The following MGAT4C variants were observed in gnomAD, a reference collection of about 807,000 sequenced individuals.
MGAT4C encodes the protein alpha-1,3-mannosyl-glycoprotein 4-beta-N-acetylglucosaminyltransferase C.
In MGAT4C, 19 loss-of-function variants were observed where a neutral mutation model predicts 40.1. The ratio of observed to expected loss-of-function variants is 0.47; its 90% confidence interval spans 0.33 to 0.70. The LOEUF (loss-of-function observed/expected upper bound fraction) is 0.70. Among genes scored for constraint, MGAT4C ranks in the 30% least tolerant of loss-of-function variants. The pLI is 0.02. For missense variants in MGAT4C, 491 were observed against 563.2 expected, an observed-to-expected ratio of 0.87 and a Z score of 1.30; for synonymous variants, 181 against 187.1, an observed-to-expected ratio of 0.97 and a Z score of 0.27.
At chr12:86,602,994 C>T (rs1961841641) in intron 2 of MGAT4C, among the ~76,000 whole-genome samples, 2 of 151,032 alleles carry the variant, frequency 1.3e-5, no homozygotes, top group East Asian at 1.9e-4. Flanking sequence ...TATTACGCTA[C>T]GTGAAAGAAG....
chr12:86,285,790 C>T (rs1192587090), intron 4 of MGAT4C, among the ~76,000 whole-genome samples: 1 of 151,868 alleles, frequency 6.6e-6, no homozygotes, highest in African/African-American at 2.4e-5. Context: ...AAAGATCTAA[C>T]AGAGGATTTA....
chr12:86,557,690 G>A (rs1345887051), intron 2 of MGAT4C, among the ~76,000 whole-genome samples: 4 of 152,122 alleles, frequency 2.6e-5, no homozygotes, highest in Non-Finnish European at 4.4e-5. Context: ...CCAAAACACT[G>A]TAGTAAACAA....
At chr12:86,257,687 G>A (rs1182088175), upstream of MGAT4C, among the ~76,000 whole-genome samples, 2 of 152,234 alleles carry the variant, frequency 1.3e-5, no homozygotes, top group African/African-American at 4.8e-5. Flanking sequence ...AGTTCAAAAA[G>A]TTGATAATAT....
chr12:86,075,782 G>A (rs146005376), intron 1 of MGAT4C, among the ~76,000 whole-genome samples: 26 of 152,328 alleles, frequency 1.7e-4, no homozygotes, highest in African/African-American at 6.3e-4. Flanking sequence ...CAAGCTCTGT[G>A]TTGCCCCCTT....
At chr12:86,334,569 A>G (rs945939752) in intron 3 of MGAT4C, among the ~76,000 whole-genome samples, 5 of 152,180 alleles carry the variant, frequency 3.3e-5, no homozygotes, top group African/African-American at 9.6e-5. Context: ...AAGAAATAAA[A>G]GCAAAATGTT....
chr12:86,242,820 A>G (rs1437941730), intron 1 of MGAT4C, among the ~76,000 whole-genome samples: 1 of 152,062 alleles, frequency 6.6e-6, no homozygotes, highest in Admixed American at 6.6e-5. Context: ...CACATACAAC[A>G]CACACCTCCC....
chr12:86,275,506 T>C (rs922950542), intron 4 of MGAT4C, among the ~76,000 whole-genome samples: 5 of 152,298 alleles, frequency 3.3e-5, no homozygotes, highest in Admixed American at 2.0e-4. Context: ...AACCTGGGAA[T>C]ATGTTACCTT....
intron 2 of MGAT4C, among the ~76,000 whole-genome samples, chr12:86,507,033 A>C (rs1390687216): frequency 5.3e-5 from 8 of 152,168 alleles, no homozygotes; most frequent in Non-Finnish European, 1.5e-5. Flanking sequence ...AAGAAAAATG[A>C]GGCTATCTTG....
intron 2 of MGAT4C, among the ~76,000 whole-genome samples, chr12:85,990,695 T>C (rs901929810): frequency 7.2e-5 from 11 of 152,194 alleles, no homozygotes; most frequent in African/African-American, 2.7e-4. Context: ...TTAATAATTA[T>C]AAGTCTAAAA....
chr12:86,154,687 A>G (rs985699867), intron 1 of MGAT4C, among the ~76,000 whole-genome samples: 2 of 152,240 alleles, frequency 1.3e-5, no homozygotes, highest in Non-Finnish European at 2.9e-5. Flanking sequence ...TAGATCAAAA[A>G]AAAGATAAAT....
At chr12:86,032,283 G>A (rs1183757019) in intron 2 of MGAT4C, among the ~76,000 whole-genome samples, 1 of 151,940 alleles carries the variant, frequency 6.6e-6, no homozygotes, top group African/African-American at 2.4e-5. Flanking sequence ...CCAAATAATA[G>A]GATTGCTGGG....
At chr12:86,345,828 C>T (rs926501738) in intron 3 of MGAT4C, among the ~76,000 whole-genome samples, 3 of 152,208 alleles carry the variant, frequency 2.0e-5, no homozygotes, top group African/African-American at 7.2e-5. Context: ...GGAATCGCCA[C>T]ACCGACCTTC....
At chr12:86,637,869 A>AT (rs1417027042) in intron 2 of MGAT4C, among the ~76,000 whole-genome samples, 1 of 151,884 alleles carries the variant, frequency 6.6e-6, no homozygotes, top group African/African-American at 2.4e-5. Flanking sequence ...TCCTCTAACT[A>AT]TATCATGAGG....
At chr12:86,290,500 T>C (rs973277728) in intron 4 of MGAT4C, among the ~76,000 whole-genome samples, 1 of 152,242 alleles carries the variant, frequency 6.6e-6, no homozygotes, top group Non-Finnish European at 1.5e-5. Flanking sequence ...AAGTGAGATA[T>C]TGACAAAACA....
intron 3 of MGAT4C, among the ~76,000 whole-genome samples, chr12:86,345,610 A>G (rs929053560): frequency 2.6e-5 from 4 of 152,186 alleles, no homozygotes; most frequent in African/African-American, 9.6e-5. Context: ...TGAACTCATC[A>G]TTTTTTATGG....
chr12:86,378,783 G>T (rs557484911), intron 3 of MGAT4C, among the ~76,000 whole-genome samples: 1 of 152,222 alleles, frequency 6.6e-6, no homozygotes, highest in African/African-American at 2.4e-5. Flanking sequence ...CAATTACTTG[G>T]AACTTGAAGT....
intron 2 of MGAT4C, among the ~76,000 whole-genome samples, chr12:86,620,853 C>T (rs1962613399): frequency 6.6e-6 from 1 of 152,046 alleles, no homozygotes; most frequent in Non-Finnish European, 1.5e-5. Context: ...CAGAAACTCC[C>T]CTTTCTCTCT....
intron 2 of MGAT4C, among the ~76,000 whole-genome samples, chr12:86,572,701 A>G (rs1274149198): frequency 6.6e-6 from 1 of 152,080 alleles, no homozygotes; most frequent in East Asian, 1.9e-4. Context: ...TCAATTACAC[A>G]TGATTAAACA....
At chr12:86,270,325 C>T (rs1031794896) in intron 4 of MGAT4C, among the ~76,000 whole-genome samples, 2 of 152,084 alleles carry the variant, frequency 1.3e-5, no homozygotes, top group Non-Finnish European at 2.9e-5. Flanking sequence ...AGGTGATCCG[C>T]CCGCCTCGGC....
Sources: allele counts gnomAD v4.1 joint callset (sites outside exome capture counted in the v4.1 genomes callset), GRCh38; gene constraint gnomAD v4.1.1; transcripts MANE v1.5; gene names NCBI Gene and HGNC (gene_info 2026-07-23, HGNC 2026-07-21).